The following CD96 variants were observed in gnomAD, a reference collection of about 807,000 sequenced individuals.
CD96 encodes the protein T-cell surface protein tactile.
Under a neutral mutation model 71.3 loss-of-function variants are expected in CD96, and 70 were observed. The ratio of observed to expected loss-of-function variants is 0.98; its 90% CI spans 0.81 to 1.20. The LOEUF is 1.20. Among genes scored for constraint, CD96 ranks in the 50% most tolerant of loss-of-function variants. The probability of loss-of-function intolerance (pLI) is 0.00; values close to 1 mark genes in which losing one functional copy is unlikely to be tolerated. For missense variants in CD96, 742 were observed against 677.5 expected (o/e 1.10, Z -1.06); for synonymous variants, 248 against 233.0 (o/e 1.06, Z -0.59).
Position 111,579,205 on chromosome 3 carries a change from T to G in CD96, c.722T>G (p.Leu241Trp), listed in dbSNP as rs1178414165. ...ATTAGAGTCGGTCCTAACAAAATCTTGAGGAGCTCCACCACAGTCAAGGTT... is the reference window on the plus strand; with the variant it reads ...ATTAGAGTCGGTCCTAACAAAATCTGGAGGAGCTCCACCACAGTCAAGGTT... ...CHIRVGPNKI[L>W]RSSTTVKVFA... is the part of the protein sequence containing the mutation. Residue 241 changes from leucine to tryptophan, a missense_variant, in exon 4 of 14, where the codon TTG (leucine) becomes TGG (tryptophan). Leu to Trp is a moderately conservative substitution (Grantham distance 61). Transcript: ENST00000352690. 1.2e-6 allele frequency: 2 copies of G among 1,607,778 alleles called. No homozygotes were observed. Among genetic ancestry groups the G allele is most frequent in the Non-Finnish European group, 1.7e-6 (2 of 1,174,244 alleles).
chr3:111,617,010 G>T (rs760317330), intron 8 of CD96, among the ~76,000 whole-genome samples: 6 of 152,222 alleles, frequency 3.9e-5, no homozygotes, highest in Non-Finnish European at 5.9e-5. Context: ...ATGAGGCTCA[G>T]CCCAGGCACT....
intron 2 of CD96, 26 bp downstream of exon 2, chr3:111,545,428 G>A: frequency 7.3e-7 from 1 of 1,362,410 alleles, no homozygotes; most frequent in East Asian, 2.3e-5. Flanking sequence ...AGAGGGATGT[G>A]CTTTCATTCA....
Position 111,580,764 on chromosome 3 carries a change from G to A in CD96, c.751+1530G>A, listed in dbSNP as rs370391714. Among the ~76,000 whole-genome samples the A allele has an allele frequency of 4.0e-4, 61 of 151,938 alleles. 1 individual carries two copies. In the East Asian group the frequency reaches 0.01, roughly 25 times the overall value. On this transcript the variant is annotated intron_variant, in intron 4 of 13. Coordinates refer to ENST00000352690, the MANE Select transcript of CD96 (RefSeq NM_005816.5). ...CATCCCTGATGATCAGGTTCCTTAC[G>A]GAGCCTAAACAGTGTCCTGTGAAGA...
chr3:111,610,104 C>A (rs950694314), intron 8 of CD96, among the ~76,000 whole-genome samples: 1 of 152,188 alleles, frequency 6.6e-6, no homozygotes, highest in Non-Finnish European at 1.5e-5. Flanking sequence ...TTTACAAAAT[C>A]AAATCTGGAT....
intron 11 of CD96, among the ~76,000 whole-genome samples, chr3:111,637,492 T>C (rs1939385767): frequency 6.6e-6 from 1 of 152,236 alleles, no homozygotes; most frequent in African/African-American, 2.4e-5. Context: ...ATCTACACAA[T>C]AGCATTTTTT....
intron 4 of CD96, among the ~76,000 whole-genome samples, chr3:111,583,539 G>T (rs549127602): frequency 5.9e-5 from 9 of 152,220 alleles, no homozygotes; most frequent in African/African-American, 2.2e-4. Flanking sequence ...TGAGGGCCCC[G>T]CCCTTGCAGC....
chr3:111,596,439 C>A (rs1317952593), intron 5 of CD96, among the ~76,000 whole-genome samples: 1 of 152,036 alleles, frequency 6.6e-6, no homozygotes, highest in Non-Finnish European at 1.5e-5. Context: ...TCATGAAAGT[C>A]AAATCTTTTC....
Position 111,568,036 on chromosome 3 carries a change from A to T in CD96, c.543+389A>T, listed in dbSNP as rs539368785. 9.2e-5 allele frequency among the ~76,000 whole-genome samples: 14 copies of T among 152,294 alleles called. No individual in the cohort carries two copies. The East Asian group carries it at 2.5e-3, about 27-fold the overall frequency. ...GCTACAGACTCCTTTCTCCAAAAAC[A>T]CTTATTACTACATCCTGGGAAATAT... is the stretch of plus-strand genomic sequence containing the variant. On this transcript the variant is annotated intron_variant, in intron 3 of 13. Coordinates refer to ENST00000352690, the MANE Select transcript of CD96 (RefSeq NM_005816.5).
intron 10 of CD96, among the ~76,000 whole-genome samples, chr3:111,630,527 A>T (rs1396060683): frequency 1.3e-5 from 2 of 152,166 alleles, no homozygotes; most frequent in Admixed American, 6.5e-5. Flanking sequence ...TAGCCTACTA[A>T]CCAAAAAAAT....
At chr3:111,563,594 T>G (rs1251005460) in intron 2 of CD96, among the ~76,000 whole-genome samples, 1 of 152,218 alleles carries the variant, frequency 6.6e-6, no homozygotes, top group African/African-American at 2.4e-5. Flanking sequence ...TGTTGTTGTT[T>G]TTTTAAACAC....
At chr3:111,604,984 A>G (rs1192399874) in intron 7 of CD96, among the ~76,000 whole-genome samples, 3 of 152,238 alleles carry the variant, frequency 2.0e-5, no homozygotes, top group Non-Finnish European at 4.4e-5. Context: ...AGAGAAAAAC[A>G]TCTAGGCATT....
chr3:111,564,324 TTTC>T (rs1935601218), intron 2 of CD96, among the ~76,000 whole-genome samples: 2 of 152,090 alleles, frequency 1.3e-5, no homozygotes, highest in South Asian at 4.1e-4. Flanking sequence ...TATCAACTTT[TTTC>T]TTTTTTTATA....
chr3:111,632,498 G>A (rs568284356), intron 10 of CD96, among the ~76,000 whole-genome samples: 2 of 152,250 alleles, frequency 1.3e-5, no homozygotes, highest in East Asian at 3.9e-4. Flanking sequence ...TGGAGAAAAA[G>A]GAATGCTTTT....
rs535868209 is a variant in CD96, at chr3:111,640,898, T to C, written c.1477+2730T>C. Among the ~76,000 whole-genome samples, 44 of 152,320 alleles carry C rather than the reference T, an allele frequency of 2.9e-4. 1 individual carries two copies. Among genetic ancestry groups the C allele is most frequent in the African/African-American group, 9.4e-4 (39 of 41,562 alleles). ...GTGTCCAATGAAGCTAAGCATCATA[T>C]ATGAAGGAAAGATACAGTTGTTTTC... On this transcript the variant is annotated intron_variant, in intron 12 of 13. Transcript: ENST00000352690.
At chr3:111,660,817 T>A (rs192400228) in intron 14 of CD96, among the ~76,000 whole-genome samples, 1 of 152,214 alleles carries the variant, frequency 6.6e-6, no homozygotes, top group African/African-American at 2.4e-5. Flanking sequence ...GCTAGCCATA[T>A]GCAGAAGACC....
chr3:111,588,117 A>G (rs1180316361), intron 5 of CD96, among the ~76,000 whole-genome samples: 3 of 152,220 alleles, frequency 2.0e-5, no homozygotes, highest in African/African-American at 7.2e-5. Context: ...TCACATTGTC[A>G]GGCTACAAAT....
chr3:111,598,034 G>A, intron 5 of CD96, 86 bp from the exon 6 acceptor site: 1 of 654,832 alleles, frequency 1.5e-6, no homozygotes. Context: ...ACTCTTTTTT[G>A]CCAACTTATA....
intron 8 of CD96, among the ~76,000 whole-genome samples, chr3:111,610,331 G>A (rs1019718414): frequency 1.3e-5 from 2 of 152,186 alleles, no homozygotes; most frequent in East Asian, 1.9e-4. Context: ...TCAGAAGCTG[G>A]TAGGATTCAC....
intron 2 of CD96, among the ~76,000 whole-genome samples, chr3:111,563,989 T>A (rs1935581123): frequency 6.6e-6 from 1 of 152,188 alleles, no homozygotes; most frequent in African/African-American, 2.4e-5. Context: ...TCCCTGAGTA[T>A]ATTAACTATG....
Sources: gnomAD v4.1 joint callset for allele counts (sites outside exome capture counted in the v4.1 genomes callset) on GRCh38, gnomAD v4.1.1 for gene constraint, MANE v1.5 for transcripts, NCBI Gene and HGNC (gene_info 2026-07-23, HGNC 2026-07-21) for gene names.